The following ADAMTS18 variants were observed in gnomAD, a reference collection of about 807,000 sequenced individuals.
The protein encoded by ADAMTS18 is A disintegrin and metalloproteinase with thrombospondin motifs 18.
ADAMTS18 carries 157 observed loss-of-function variants against 165.9 expected under a neutral mutation model. The ratio of observed to expected loss-of-function variants is 0.95; its 90% CI spans 0.83 to 1.08. The LOEUF is 1.08. Ranked by LOEUF, ADAMTS18 falls within the 50% of genes least tolerant of loss-of-function variation. The probability of loss-of-function intolerance (pLI) is 0.00; values close to 1 mark genes in which losing one functional copy is unlikely to be tolerated. For missense variants in ADAMTS18, 2,040 were observed against 1,534.0 expected (o/e 1.33, Z -5.51); for synonymous variants, 782 against 578.2 (o/e 1.35, Z -5.06).
At chr16:77,294,851 G>C (rs750022707) in intron 19 of ADAMTS18, 72 bp downstream of exon 19, 22 of 1,441,126 alleles carry the variant, frequency 1.5e-5, no homozygotes, top group Non-Finnish European at 2.1e-5. Context: ...GAGCCCAGTG[G>C]AGAGCAAAGA....
At chr16:77,341,669 T>G in intron 11 of ADAMTS18, 35 bp downstream of exon 11, 1 of 1,556,368 alleles carries the variant, frequency 6.4e-7, no homozygotes. Context: ...CTTATCAAAT[T>G]TCTGGAGCTA....
At chr16:77,286,682 A>ATCTGAAGATG (rs368694217) in intron 22 of ADAMTS18, among the ~76,000 whole-genome samples, 67 of 152,128 alleles carry the variant, frequency 4.4e-4, no homozygotes, top group African/African-American at 1.5e-3. Flanking sequence ...GCCTGCCCCC[A>ATCTGAAGATG]TCTGAAGATG....
At chr16:77,302,528 A>C (rs1270872020) in intron 16 of ADAMTS18, among the ~76,000 whole-genome samples, 1 of 152,198 alleles carries the variant, frequency 6.6e-6, no homozygotes, top group African/African-American at 2.4e-5. Context: ...TAGTAGGGGC[A>C]AGCTTAAGTA....
intron 18 of ADAMTS18, among the ~76,000 whole-genome samples, chr16:77,296,615 C>T (rs980522126): frequency 4.6e-5 from 7 of 152,150 alleles, no homozygotes. Flanking sequence ...AGGCAGATCA[C>T]TTGAGGCCAG....
At chr16:77,400,106 C>T (rs2057306272) in intron 3 of ADAMTS18, among the ~76,000 whole-genome samples, 1 of 152,146 alleles carries the variant, frequency 6.6e-6, no homozygotes, top group Non-Finnish European at 1.5e-5. Flanking sequence ...TCTGACCCTG[C>T]ATACTTGAAA....
chr16:77,291,683 G>A (rs182405970), intron 20 of ADAMTS18, among the ~76,000 whole-genome samples: 17 of 152,324 alleles, frequency 1.1e-4, no homozygotes, highest in East Asian at 3.9e-4. Flanking sequence ...TTCAGAGAAC[G>A]GAACTGACTT....
intron 16 of ADAMTS18, among the ~76,000 whole-genome samples, chr16:77,306,787 G>C (rs1200427184): frequency 6.6e-6 from 1 of 152,164 alleles, no homozygotes; most frequent in Non-Finnish European, 1.5e-5. Flanking sequence ...TAAGAAGAAG[G>C]TGCTATTAAT....
chr16:77,410,515 C>A (rs1443503684), intron 3 of ADAMTS18, among the ~76,000 whole-genome samples: 1 of 152,098 alleles, frequency 6.6e-6, no homozygotes, highest in Non-Finnish European at 1.5e-5. Context: ...CTAAAGATGG[C>A]AGTTTGAGAA....
intron 16 of ADAMTS18, among the ~76,000 whole-genome samples, chr16:77,317,410 T>C (rs2055906968): frequency 6.6e-6 from 1 of 152,190 alleles, no homozygotes; most frequent in Non-Finnish European, 1.5e-5. Flanking sequence ...CTCGGCTCAC[T>C]GCAACCTGTG....
chr16:77,324,273 C>A (rs2056055307), intron 13 of ADAMTS18, among the ~76,000 whole-genome samples: 1 of 152,204 alleles, frequency 6.6e-6, no homozygotes, highest in African/African-American at 2.4e-5. Flanking sequence ...TCTTCCAAGT[C>A]TGGAATAGGA....
chr16:77,409,833 C>A (rs990932006), intron 3 of ADAMTS18, among the ~76,000 whole-genome samples: 3 of 152,022 alleles, frequency 2.0e-5, no homozygotes, highest in African/African-American at 4.8e-5. Context: ...AAAAAAAAGG[C>A]ACCAATGTAT....
chr16:77,362,395 T>G (rs1198675174), intron 6 of ADAMTS18, 131 bp from the exon 7 acceptor site: 14 of 959,380 alleles, frequency 1.5e-5, no homozygotes, highest in Non-Finnish European at 2.1e-5. Flanking sequence ...TGAGCTAAGG[T>G]AGGAGACAGG....
chr16:77,348,018 A>T (rs762681451), intron 10 of ADAMTS18, among the ~76,000 whole-genome samples: 2 of 152,164 alleles, frequency 1.3e-5, no homozygotes, highest in Non-Finnish European at 2.9e-5. Context: ...AATATTAGTT[A>T]TTATTATAGG....
chr16:77,364,028 T>C (rs1195347703), intron 5 of ADAMTS18, 143 bp from the exon 6 acceptor site: 3 of 1,275,324 alleles, frequency 2.4e-6, no homozygotes, highest in Non-Finnish European at 2.2e-6. Context: ...AAAACTCAAC[T>C]TAAAAAAATA....
At chr16:77,364,076 CTGCAATTACATT>C in intron 5 of ADAMTS18, 100 bp downstream of exon 5, 1 of 1,415,818 alleles carries the variant, frequency 7.1e-7, no homozygotes, top group Non-Finnish European at 1.0e-6. Context: ...ATGGCAGAAA[CTGCAATTACATT>C]TGCACCGACC....
chr16:77,338,491 C>T (rs1008521258), intron 11 of ADAMTS18, among the ~76,000 whole-genome samples: 3 of 151,798 alleles, frequency 2.0e-5, no homozygotes, highest in Non-Finnish European at 4.4e-5. Context: ...CCCGCCGAGG[C>T]CCCCCAAAGT....
rs541856867 is a variant in ADAMTS18, at chr16:77,369,104, G to A, written c.496-1381C>T. Among the ~76,000 whole-genome samples, 3 of 152,292 alleles carry A rather than the reference G, an allele frequency of 2.0e-5. No individual in the cohort carries two copies. In the South Asian group the frequency reaches 6.2e-4, roughly 32 times the overall value. ...CCAGGAACCTGTGGGATTCAGAATC[G>A]TGGGCCTCACCCCAAACCTGCTGGA... On this transcript the variant is annotated intron_variant, in intron 3 of 22. Transcript: ENST00000282849.
chr16:77,365,102 C>G (rs1363917837), intron 4 of ADAMTS18, among the ~76,000 whole-genome samples: 1 of 152,094 alleles, frequency 6.6e-6, no homozygotes, highest in Non-Finnish European at 1.5e-5. Flanking sequence ...TTTATGTCCT[C>G]AAAAGAAACA....
chr16:77,341,579 A>T, intron 11 of ADAMTS18, 125 bp downstream of exon 11: 1 of 783,962 alleles, frequency 1.3e-6, no homozygotes, highest in Non-Finnish European at 2.2e-6. Flanking sequence ...TAATGTTGTT[A>T]ATATGAAGAG....
Sources: allele counts gnomAD v4.1 joint callset (sites outside exome capture counted in the v4.1 genomes callset), GRCh38; gene constraint gnomAD v4.1.1; transcripts MANE v1.5; gene names NCBI Gene and HGNC (gene_info 2026-07-23, HGNC 2026-07-21).